Variants in NDUFS7 observed in about 807,000 individuals in gnomAD.
NDUFS7 encodes NADH:ubiquinone oxidoreductase core subunit S7.
NDUFS7 carries 11 observed loss-of-function variants against 31.1 expected under a neutral mutation model. The observed-to-expected ratio is 0.35, with a 90% CI of 0.22 to 0.59. The LOEUF is 0.59. NDUFS7 is among the 20% of genes least tolerant of loss of function. The pLI, the probability that NDUFS7 is intolerant of heterozygous loss-of-function variation, is 0.79. For synonymous variants in NDUFS7, 136 were observed against 127.9 expected (o/e 1.06, Z -0.43); for missense variants, 263 against 324.2 (o/e 0.81, Z 1.45).
At chr19:1,394,837 G>C (rs2082584874) in intron 7 of NDUFS7, 1 of 1,159,060 alleles carries the variant, frequency 8.6e-7, no homozygotes, top group African/African-American at 1.6e-5. Flanking sequence ...GTTGGGCCCT[G>C]GGCTTCGTCC....
At chr19:1,388,378 C>A in intron 2 of NDUFS7, 147 bp from the exon 3 acceptor site, 1 of 746,716 alleles carries the variant, frequency 1.3e-6, no homozygotes, top group Non-Finnish European at 2.3e-6. Flanking sequence ...ATGGCTCCAG[C>A]GGCTCTGGCC....
At chr19:1,389,156 C>T (rs867554000) in intron 4 of NDUFS7, 3 of 700,210 alleles carry the variant, frequency 4.3e-6, no homozygotes, top group Middle Eastern at 2.4e-4. Flanking sequence ...CACACTCGCA[C>T]ACATGCACAC....
chr19:1,391,108 C>T lies in NDUFS7; in HGVS notation c.409-11C>T, dbSNP rs773102111. ...AGAGTGAGCTGCGCACGGACCCCGC[C>T]TCTCTTCCAGGTCTACGACCAGATG... On this transcript the variant is annotated splice_polypyrimidine_tract_variant and intron_variant, in intron 5 of 7. Coordinates refer to ENST00000233627, the MANE Select transcript of NDUFS7 (RefSeq NM_024407.5). The T allele has an allele frequency of 3.1e-6, 5 of 1,612,864 alleles. 1 individual carries two copies. In the Admixed American group the frequency reaches 6.7e-5, roughly 22 times the overall value.
At chr19:1,387,916 G>GAT in intron 2 of NDUFS7, 69 bp downstream of exon 2, 1 of 401,276 alleles carries the variant, frequency 2.5e-6, no homozygotes, top group African/African-American at 2.4e-5. Context: ...CGGGGCGGGG[G>GAT]GGGTGGGGGG....
rs1337527006 is a variant in NDUFS7 at position 1,393,356 on chromosome 19, G to A, written c.544+26G>A. ...GTAGGGCCGGGACCGCACCGCCCACGAGGGAGCTGGAGACAGGGCCAGCGC... is the reference window on the plus strand; with the variant it reads ...GTAGGGCCGGGACCGCACCGCCCACAAGGGAGCTGGAGACAGGGCCAGCGC... On this transcript the variant is annotated intron_variant, in intron 7 of 7. Coordinates refer to ENST00000233627, the MANE Select transcript of NDUFS7 (RefSeq NM_024407.5). The surrounding 1 kb of genome is among the most constrained non-coding windows in gnomAD (Gnocchi z 7.3). 10 of 1,540,928 alleles carry A rather than the reference G, an allele frequency of 6.5e-6. No individual in the cohort carries two copies. Among genetic ancestry groups the A allele is most frequent in the Middle Eastern group, 1.7e-4 (1 of 5,980 alleles).
At chr19:1,389,361 A>C in intron 4 of NDUFS7, 5 of 467,834 alleles carry the variant, frequency 1.1e-5, no homozygotes, top group Non-Finnish European at 1.7e-5. Context: ...GTGTGGACAC[A>C]TGCATGTGTG....
At chr19:1,389,367 G>T (rs1274820439) in intron 4 of NDUFS7, 1 of 468,706 alleles carries the variant, frequency 2.1e-6, no homozygotes, top group Non-Finnish European at 4.3e-6. Context: ...ACACATGCAT[G>T]TGTGCCTGTT....
intron 2 of NDUFS7, chr19:1,388,106 A>C: frequency 1.7e-6 from 1 of 604,590 alleles, no homozygotes; most frequent in East Asian, 2.8e-5. Flanking sequence ...GCTCACCGCC[A>C]CCTGGGGTGG....
At position 1,388,580 on chromosome 19, in the gene NDUFS7, G is replaced by A. The variant is rs776909226; in HGVS notation, c.109G>A (p.Asp37Asn). ...AGGTGTCCATCAGAGCGTGGCCACC[G>A]ATGGCCCAAGCAGGTGAAGCTGGCC... ...ARGVHQSVAT[D>N]GPSSTQPALP... The change falls in exon 3 of 8, where the codon GAT becomes AAT. Residue 37 changes from aspartate (D) to asparagine (N), a missense_variant. Coordinates refer to ENST00000233627, the MANE Select transcript of NDUFS7 (RefSeq NM_024407.5). The A allele has an allele frequency of 6.8e-6, 11 of 1,612,230 alleles. No homozygotes were observed. The highest frequency in any genetic ancestry group is 7.6e-6 in the Non-Finnish European group (9 of 1,179,742).
intron 4 of NDUFS7, chr19:1,389,195 G>A (rs745510125): frequency 8.7e-6 from 6 of 688,376 alleles, no homozygotes; most frequent in Admixed American, 4.1e-5. Context: ...ACAAGCACAT[G>A]TGCACACACG....
At position 1,390,910 on chromosome 19, in the gene NDUFS7, G is replaced by C. The variant is rs781725082; in HGVS notation, c.268G>C (p.Ala90Pro). The change falls in exon 5 of 8, where the codon GCC becomes CCC. Residue 90 changes from alanine (A) to proline (P), a missense_variant. Transcript: ENST00000233627. The part of the protein sequence containing the change: ...WPMTFGLACC[A>P]VEMMHMAAPR... ...CATGACCTTCGGCCTGGCCTGCTGC[G>C]CCGTGGAGATGATGCACATGGCAGC... The C allele has an allele frequency of 6.2e-7, 1 of 1,611,440 alleles. No homozygotes were observed. The highest frequency in any genetic ancestry group is 1.7e-5 in the Admixed American group (1 of 60,016).
chr19:1,394,773 C>T (rs773497068), intron 7 of NDUFS7: 1 of 1,184,546 alleles, frequency 8.4e-7, no homozygotes, highest in Non-Finnish European at 1.1e-6. Context: ...CGCCCTTTCC[C>T]AGGCCCTGCA....
chr19:1,391,514 C>G (rs1286591288), intron 6 of NDUFS7, among the ~76,000 whole-genome samples: 1 of 136,160 alleles, frequency 7.3e-6, no homozygotes, highest in Non-Finnish European at 1.5e-5. Flanking sequence ...GAGACAGAGT[C>G]TTGCTCTGTC....
chr19:1,389,181 A>T (rs2082533557), intron 4 of NDUFS7: 1 of 693,720 alleles, frequency 1.4e-6, no homozygotes, highest in South Asian at 1.5e-5. Flanking sequence ...ACACACATGC[A>T]CACACAAGCA....
In NDUFS7 at chr19:1,391,050, G is replaced by A; in HGVS notation, c.408G>A (p.Lys136=). The change falls in exon 5 of 8, where the codon AAG becomes AAA. Residue 136 remains lysine (K), a splice_region_variant and synonymous_variant. Transcript: ENST00000233627. ...ACAAGATGGCCCCAGCGCTTCGCAA[G>A]GTAGGCCTCGTCCCAGCCGCCCAGC... The part of the protein sequence containing the change: ...LTNKMAPALR[K]VYDQMPEPRY... 1 of 1,613,224 alleles carries A rather than the reference G, an allele frequency of 6.2e-7. No homozygotes were observed. The highest frequency in any genetic ancestry group is 8.5e-7 in the Non-Finnish European group (1 of 1,179,836).
intron 7 of NDUFS7, 63 bp from the exon 8 acceptor site, chr19:1,395,328 G>C: frequency 1.3e-6 from 2 of 1,553,570 alleles, no homozygotes; most frequent in African/African-American, 1.4e-5. Context: ...AGCCGGCTGC[G>C]CTGTGCACGC....
chr19:1,389,332 C>G lies in NDUFS7; in HGVS notation c.228+394C>G, dbSNP rs921699007. The G allele has an allele frequency of 1.4e-5, 7 of 498,296 alleles. No individual in the cohort carries two copies. In the Admixed American group the frequency reaches 1.6e-4, roughly 11 times the overall value. The allele number at this position is 498,296 out of a possible 1,614,324, so 30.9% of individuals were successfully genotyped here. On this transcript the variant is annotated intron_variant, in intron 4 of 7. Coordinates refer to ENST00000233627, the MANE Select transcript of NDUFS7 (RefSeq NM_024407.5). ...TCATGCACACACATGCACACTCACACACATGCACACACGTCCTTGTGTGGA... is the reference window on the plus strand; with the variant it reads ...TCATGCACACACATGCACACTCACAGACATGCACACACGTCCTTGTGTGGA...
intron 7 of NDUFS7, chr19:1,394,262 C>G: frequency 1.2e-6 from 1 of 851,644 alleles, no homozygotes; most frequent in Non-Finnish European, 1.7e-6. Flanking sequence ...ACCCCGGGGG[C>G]AGTGGAGAGG....
chr19:1,389,311 GCACACACATGCACACT>G (rs775613620), intron 4 of NDUFS7: 8 of 477,040 alleles, frequency 1.7e-5, no homozygotes, highest in Middle Eastern at 3.0e-4. Flanking sequence ...GCACAGTCAT[GCACACACATGCACACT>G]CACACACATG....
Sources: allele counts gnomAD v4.1 joint callset (sites outside exome capture counted in the v4.1 genomes callset), GRCh38; gene constraint gnomAD v4.1.1; non-coding constraint Gnocchi (gnomAD v3.1); transcripts MANE v1.5; gene names NCBI Gene and HGNC (gene_info 2026-07-23, HGNC 2026-07-21).